SHISAL1: variants seen among roughly 807,000 people sequenced by gnomAD.
SHISAL1 encodes the protein protein shisa-like-1.
Under a neutral mutation model 22.6 loss-of-function variants are expected in SHISAL1, and 9 were observed. The ratio of observed to expected loss-of-function variants is 0.40; its 90% CI spans 0.24 to 0.70. The LOEUF is 0.70. Ranked by LOEUF, SHISAL1 falls within the 30% of genes least tolerant of loss-of-function variation. SHISAL1 has a pLI of 0.39. For missense variants in SHISAL1, 246 were observed against 270.6 expected, an observed-to-expected ratio of 0.91 and a Z score of 0.64; for synonymous variants, 119 against 115.4, an observed-to-expected ratio of 1.03 and a Z score of -0.20.
the SHISAL1 span, among the ~76,000 whole-genome samples, chr22:44,319,851 G>C: frequency 6.6e-6 from 1 of 152,208 alleles, no homozygotes; most frequent in Non-Finnish European, 1.5e-5. Context: ...GCCGGGGAAA[G>C]AAAGGGGTCG....
At chr22:44,285,853 T>C (rs2055311652) in intron 3 of SHISAL1, 108 bp from the exon 4 acceptor site, 2 of 960,428 alleles carry the variant, frequency 2.1e-6, no homozygotes, top group Admixed American at 2.1e-5. Flanking sequence ...TATGTTGGGG[T>C]CCCCGGGAGG....
At chr22:44,328,435 G>A in the SHISAL1 span, among the ~76,000 whole-genome samples, 31 of 152,242 alleles carry the variant, frequency 2.0e-4, no homozygotes, top group Non-Finnish European at 4.0e-4. Flanking sequence ...GCAGGCCTTC[G>A]GGCTGTCACT....
intron 4 of SHISAL1, among the ~76,000 whole-genome samples, chr22:44,280,492 G>A (rs1042190797): frequency 2.0e-5 from 3 of 152,182 alleles, no homozygotes; most frequent in Non-Finnish European, 4.4e-5. Context: ...AGTGTCTAAA[G>A]TCAAGCACTA....
chr22:44,289,503 C>T (rs535939903), intron 3 of SHISAL1, among the ~76,000 whole-genome samples: 4 of 117,782 alleles, frequency 3.4e-5, no homozygotes, highest in East Asian at 6.5e-4. Flanking sequence ...TGTTTACTGC[C>T]GGGCTCCTGG....
chr22:44,256,485 T>TA (rs2055086018), intron 4 of SHISAL1, among the ~76,000 whole-genome samples: 1 of 152,206 alleles, frequency 6.6e-6, no homozygotes, highest in African/African-American at 2.4e-5. Context: ...CATTGACTAA[T>TA]ACACCATCCA....
intron 4 of SHISAL1, among the ~76,000 whole-genome samples, chr22:44,284,303 G>A (rs1193121296): frequency 2.0e-5 from 3 of 152,032 alleles, no homozygotes; most frequent in African/African-American, 4.8e-5. Flanking sequence ...TTAATCCTTG[G>A]GAGGGGGCAG....
intron 4 of SHISAL1, among the ~76,000 whole-genome samples, chr22:44,250,319 A>T (rs2055038653): frequency 6.6e-6 from 1 of 152,228 alleles, no homozygotes; most frequent in South Asian, 2.1e-4. Flanking sequence ...AATGGCACTA[A>T]TATATGACCA....
intron 2 of SHISAL1, among the ~76,000 whole-genome samples, chr22:44,298,842 G>A (rs186305362): frequency 4.7e-4 from 72 of 152,334 alleles, no homozygotes; most frequent in African/African-American, 1.6e-3. Flanking sequence ...CAGCTCACCC[G>A]GCCACCACTG....
intron 1 of SHISAL1, among the ~76,000 whole-genome samples, chr22:44,307,986 C>G (rs527763003): frequency 6.6e-6 from 1 of 152,314 alleles, no homozygotes; most frequent in East Asian, 1.9e-4. Context: ...CTCAGCCCAC[C>G]ACGCCCCACT....
At chr22:44,272,331 T>A (rs1199238409) in intron 4 of SHISAL1, among the ~76,000 whole-genome samples, 4 of 152,218 alleles carry the variant, frequency 2.6e-5, no homozygotes, top group African/African-American at 9.7e-5. Flanking sequence ...GCTGAAGACA[T>A]TGATTTTTCC....
chr22:44,296,654 C>G lies in SHISAL1; in HGVS notation c.281+18G>C. On this transcript the variant is annotated intron_variant, in intron 3 of 4. Coordinates refer to ENST00000381176, the MANE Select transcript of SHISAL1 (RefSeq NM_001099294.2). ...GGGGCCCGAGGCAGTGGGGTTGCAC[C>G]CCCAGAGTGGCACTCACTTGTGCAT... is the stretch of plus-strand genomic sequence containing the variant. 1 of 1,611,188 alleles carries G rather than the reference C, an allele frequency of 6.2e-7. No homozygotes were observed. The highest frequency in any genetic ancestry group is 8.5e-7 in the Non-Finnish European group (1 of 1,178,508).
chr22:44,323,686 T>C, the SHISAL1 span, among the ~76,000 whole-genome samples: 4,297 of 149,140 alleles, frequency 0.029, 204 homozygotes, highest in African/African-American at 0.1. Flanking sequence ...CATCCATCCA[T>C]CCATCTATCA....
At chr22:44,267,097 C>T (rs2055169453) in intron 4 of SHISAL1, among the ~76,000 whole-genome samples, 1 of 152,074 alleles carries the variant, frequency 6.6e-6, no homozygotes, top group African/African-American at 2.4e-5. Context: ...GCACTGCAGG[C>T]AGGGGACATC....
At chr22:44,251,184 T>A (rs2055045270) in intron 4 of SHISAL1, among the ~76,000 whole-genome samples, 1 of 152,226 alleles carries the variant, frequency 6.6e-6, no homozygotes, top group Non-Finnish European at 1.5e-5. Flanking sequence ...TTAAGGTGAT[T>A]GTGTGTTTTA....
intron 4 of SHISAL1, among the ~76,000 whole-genome samples, chr22:44,254,761 G>T (rs1262473462): frequency 8.0e-6 from 1 of 125,036 alleles, no homozygotes; most frequent in Non-Finnish European, 1.7e-5. Context: ...TGACAGCTTG[G>T]GAGGAATCTA....
At chr22:44,309,481 T>G (rs9614438) in intron 1 of SHISAL1, among the ~76,000 whole-genome samples, 122,556 of 151,942 alleles carry the variant, frequency 0.81, 49,678 homozygotes, top group East Asian at 0.86. Context: ...CAGAGCACGG[T>G]GCCCAATGCT....
intron 4 of SHISAL1, among the ~76,000 whole-genome samples, chr22:44,280,723 G>T (rs1012191013): frequency 8.0e-6 from 1 of 125,480 alleles, no homozygotes; most frequent in Non-Finnish European, 1.8e-5. Flanking sequence ...GGAGCTGGGT[G>T]TCCCAGGAGG....
At chr22:44,257,723 G>A (rs1054357883) in intron 4 of SHISAL1, among the ~76,000 whole-genome samples, 37 of 152,236 alleles carry the variant, frequency 2.4e-4, no homozygotes, top group East Asian at 5.8e-4. Context: ...ACTCGCCACC[G>A]TGCTCAGCAG....
intron 4 of SHISAL1, among the ~76,000 whole-genome samples, chr22:44,261,100 C>CTATATATATATATATATATATATATAT (rs2055120791): frequency 8.5e-6 from 1 of 117,840 alleles, no homozygotes; most frequent in African/African-American, 3.8e-5. Context: ...TATATATATA[C>CTATATATATATATATATATATATATAT]ACTATATGGA....
Sources: allele counts gnomAD v4.1 joint callset (sites outside exome capture counted in the v4.1 genomes callset), GRCh38; gene constraint gnomAD v4.1.1; transcripts MANE v1.5; gene names NCBI Gene and HGNC (gene_info 2026-07-23, HGNC 2026-07-21).